The following EHBP1 variants were observed in gnomAD, a reference collection of about 807,000 sequenced individuals.
EHBP1 encodes EH domain binding protein 1, also known as EH domain-binding protein 1.
In EHBP1, 55 loss-of-function variants were observed where a neutral mutation model predicts 144.0. The observed-to-expected ratio is 0.38, with a 90% CI of 0.31 to 0.48. The LOEUF (loss-of-function observed/expected upper bound fraction) is 0.48. EHBP1 is among the 20% of genes least tolerant of loss of function. The pLI is 0.98. For synonymous variants in EHBP1, 469 were observed against 472.7 expected, an observed-to-expected ratio of 0.99 and a Z score of 0.10; for missense variants, 1,200 against 1,364.2, an observed-to-expected ratio of 0.88 and a Z score of 1.90.
At chr2:62,878,351 A>G (rs532077138) in intron 10 of EHBP1, among the ~76,000 whole-genome samples, 8 of 152,346 alleles carry the variant, frequency 5.3e-5, no homozygotes, top group African/African-American at 1.9e-4. Flanking sequence ...AAAGCCTTGG[A>G]CTAGACAGAT....
chr2:62,721,929 A>G (rs1236202282), intron 2 of EHBP1, among the ~76,000 whole-genome samples: 1 of 152,174 alleles, frequency 6.6e-6, no homozygotes, highest in Non-Finnish European at 1.5e-5. Flanking sequence ...TCAGACTTAT[A>G]GAAAAGTTGC....
intron 10 of EHBP1, among the ~76,000 whole-genome samples, chr2:62,887,200 A>G (rs894222402): frequency 2.6e-5 from 4 of 152,170 alleles, no homozygotes; most frequent in African/African-American, 7.2e-5. Flanking sequence ...AAGGGACAAA[A>G]ATAGCCACGC....
At chr2:62,825,468 A>C (rs1041740140) in intron 5 of EHBP1, among the ~76,000 whole-genome samples, 1 of 152,058 alleles carries the variant, frequency 6.6e-6, no homozygotes, top group Non-Finnish European at 1.5e-5. Context: ...GTGTCTGGGC[A>C]TAGGATCAGA....
In EHBP1 at chr2:62,948,674, C is replaced by T. The variant is rs762902786; in HGVS notation, c.1828C>T (p.Arg610Cys). Residue 610 changes from arginine to cysteine, a missense_variant, in exon 13 of 23, where the codon CGC becomes TGC. Arg to Cys is a radical substitution (Grantham distance 180). This residue lies in a region of EHBP1 where 543 missense variants were observed against 513.1 expected (regional missense o/e 1.06). Coordinates refer to ENST00000431489, the MANE Select transcript of EHBP1 (RefSeq NM_001142616.3). The stretch of plus-strand genomic sequence containing the variant: ...TCCAAGCACAGCCTCCCCTTACTGT[C>T]GCAGGACTAAAAGTGACACAGAACC... ...LSPSTASPYCRRTKSDTEPQK... is the reference protein window; with the variant it reads ...LSPSTASPYCCRTKSDTEPQK... 22 of 1,613,810 alleles carry T rather than the reference C, an allele frequency of 1.4e-5. No individual in the cohort carries two copies. Among genetic ancestry groups the T allele is most frequent in the East Asian group, 2.2e-5 (1 of 44,826 alleles).
intron 3 of EHBP1, among the ~76,000 whole-genome samples, chr2:62,752,553 T>G (rs1448906833): frequency 6.6e-6 from 1 of 152,186 alleles, no homozygotes; most frequent in Non-Finnish European, 1.5e-5. Flanking sequence ...TCTGTCTCGT[T>G]GATCTGTCTA....
At chr2:62,902,386 G>A (rs2053481260) in intron 10 of EHBP1, among the ~76,000 whole-genome samples, 1 of 152,058 alleles carries the variant, frequency 6.6e-6, no homozygotes, top group Non-Finnish European at 1.5e-5. Flanking sequence ...ACATAGGAGG[G>A]GAAGAGTAAA....
intron 7 of EHBP1, among the ~76,000 whole-genome samples, chr2:62,836,364 A>G (rs1467042573): frequency 2.1e-5 from 3 of 142,178 alleles, no homozygotes; most frequent in Non-Finnish European, 4.6e-5. Flanking sequence ...TCAAAGACCA[A>G]AAGTAGATAA....
chr2:62,864,933 T>C lies in EHBP1; in HGVS notation c.960T>C (p.Tyr320=), dbSNP rs2049924183. ...CTGTGGATATGAGCAAGTACCTCTA[T>C]GCTGATAGTTCTAAAACTGAAGAAG... The part of the protein sequence containing the change: ...IRPVDMSKYL[Y]ADSSKTEEEE... The change falls in exon 9 of 23, where the codon TAT becomes TAC. Residue 320 remains tyrosine (Y), a synonymous_variant. Transcript: ENST00000431489. 4 of 1,613,630 alleles carry C rather than the reference T, an allele frequency of 2.5e-6. No homozygotes were observed. The highest frequency in any genetic ancestry group is 2.7e-5 in the African/African-American group (2 of 74,898).
chr2:63,030,819 G>A (rs868305981), intron 19 of EHBP1, among the ~76,000 whole-genome samples: 8 of 111,324 alleles, frequency 7.2e-5, no homozygotes, highest in Non-Finnish European at 1.4e-4. Context: ...TTTTTGAGAT[G>A]GAGTTTCGCT....
intron 3 of EHBP1, among the ~76,000 whole-genome samples, chr2:62,756,976 A>G (rs1264274801): frequency 2.0e-5 from 3 of 152,182 alleles, no homozygotes; most frequent in African/African-American, 7.2e-5. Context: ...CTGCTAAGTT[A>G]GGTATCAGTT....
At position 62,826,115 on chromosome 2, in the gene EHBP1, T is replaced by A; in HGVS notation, c.341T>A (p.Leu114His). The part of the protein sequence containing the change: ...NESPSGRRKA[L>H]ATSSINMKQY... ...TCCCCTTCTGGTCGAAGGAAAGCTCTTGCTACTAGCAGCATCAATATGAAA... is the reference window on the plus strand; with the variant it reads ...TCCCCTTCTGGTCGAAGGAAAGCTCATGCTACTAGCAGCATCAATATGAAA... The change falls in exon 6 of 23, where the codon CTT (leucine) becomes CAT (histidine). Residue 114 changes from leucine (L) to histidine (H), a missense_variant. By Grantham distance (99) the Leu-to-His change is moderately conservative (BLOSUM62 -3). Coordinates refer to ENST00000431489, the MANE Select transcript of EHBP1 (RefSeq NM_001142616.3). 6.6e-7 allele frequency: 1 copy of A among 1,513,460 alleles called. No individual in the cohort carries two copies. Among genetic ancestry groups the A allele is most frequent in the Non-Finnish European group, 8.8e-7 (1 of 1,131,484 alleles). 93.8% of individuals were successfully genotyped at this position (1,513,460 alleles called of 1,614,324 possible).
intron 11 of EHBP1, among the ~76,000 whole-genome samples, chr2:62,943,249 G>T (rs922188093): frequency 3.3e-5 from 5 of 152,052 alleles, no homozygotes; most frequent in Non-Finnish European, 5.9e-5. Context: ...GGTGGCGCAT[G>T]CCTGAAATCC....
intron 7 of EHBP1, among the ~76,000 whole-genome samples, chr2:62,856,587 T>C (rs1055782654): frequency 2.0e-5 from 3 of 152,156 alleles, no homozygotes; most frequent in African/African-American, 7.2e-5. Flanking sequence ...GTGAGCCAAG[T>C]GCAGCATGCC....
chr2:62,865,045 C>T, intron 9 of EHBP1, 74 bp downstream of exon 9: 1 of 1,482,818 alleles, frequency 6.7e-7, no homozygotes, highest in Non-Finnish European at 9.2e-7. Context: ...TGTAATGTAC[C>T]TTTAGATGGG....
At chr2:63,013,945 T>G (rs1399951177) in intron 19 of EHBP1, among the ~76,000 whole-genome samples, 1 of 152,242 alleles carries the variant, frequency 6.6e-6, no homozygotes, top group Non-Finnish European at 1.5e-5. Flanking sequence ...CATACTCTTC[T>G]AACAAGAGAT....
At chr2:62,897,647 CA>C (rs1213380440) in intron 10 of EHBP1, among the ~76,000 whole-genome samples, 2 of 152,158 alleles carry the variant, frequency 1.3e-5, no homozygotes, top group Non-Finnish European at 2.9e-5. Context: ...TCTCCTGGTG[CA>C]AAATTGAACT....
intron 5 of EHBP1, among the ~76,000 whole-genome samples, chr2:62,808,498 A>G (rs757835446): frequency 6.6e-6 from 1 of 151,980 alleles, no homozygotes; most frequent in South Asian, 2.1e-4. Context: ...TCTTTCTTAG[A>G]TTTCCATCAC....
At chr2:62,770,059 A>G (rs1397515736) in intron 4 of EHBP1, among the ~76,000 whole-genome samples, 2 of 152,200 alleles carry the variant, frequency 1.3e-5, no homozygotes, top group African/African-American at 2.4e-5. Context: ...TCAAAACTAT[A>G]GAAACCCTGA....
At chr2:62,968,357 A>T (rs1574287540) in intron 14 of EHBP1, among the ~76,000 whole-genome samples, 2 of 152,264 alleles carry the variant, frequency 1.3e-5, no homozygotes, top group Middle Eastern at 6.8e-3. Flanking sequence ...ATGTATACCA[A>T]ATACCAATAG....
Sources: allele counts gnomAD v4.1 joint callset (sites outside exome capture counted in the v4.1 genomes callset), GRCh38; gene constraint gnomAD v4.1.1; regional missense constraint gnomAD v4.1.1; transcripts MANE v1.5; gene names NCBI Gene and HGNC (gene_info 2026-07-23, HGNC 2026-07-21).